The following PTPRQ variants were observed in gnomAD, a reference collection of about 807,000 sequenced individuals.
The protein encoded by PTPRQ is phosphatidylinositol phosphatase PTPRQ.
Under a neutral mutation model 246.0 loss-of-function variants are expected in PTPRQ, and 199 were observed. The observed-to-expected ratio is 0.81, with a 90% confidence interval of 0.72 to 0.91. The LOEUF (loss-of-function observed/expected upper bound fraction) is 0.91. Among genes scored for constraint, PTPRQ ranks in the 40% least tolerant of loss-of-function variants. The pLI, the probability that PTPRQ is intolerant of heterozygous loss-of-function variation, is 0.00. For missense variants in PTPRQ, 2,624 were observed against 2,528.4 expected (o/e 1.04, Z -0.81); for synonymous variants, 869 against 853.2 (o/e 1.02, Z -0.32).
At chr12:80,634,886 C>T (rs974955312) in intron 34 of PTPRQ, 59 bp from the exon 35 acceptor site, 2 of 1,510,626 alleles carry the variant, frequency 1.3e-6, no homozygotes, top group South Asian at 1.3e-5. Flanking sequence ...GAAAACTAAA[C>T]CTAATTTTAT....
At chr12:80,457,969 GT>G (rs1893031137) in intron 4 of PTPRQ, among the ~76,000 whole-genome samples, 1 of 151,716 alleles carries the variant, frequency 6.6e-6, no homozygotes, top group Non-Finnish European at 1.5e-5. Flanking sequence ...CCATTAATAT[GT>G]ATCTATATGA....
intron 35 of PTPRQ, among the ~76,000 whole-genome samples, chr12:80,637,296 A>G (rs974618971): frequency 5.3e-4 from 81 of 152,248 alleles, no homozygotes; most frequent in Non-Finnish European, 4.0e-4. Context: ...ACTATTGGTT[A>G]TTTATAATTC....
rs193036376 is a variant in PTPRQ at position 80,466,364 on chromosome 12, A to G, written c.911-2346A>G. 6.9e-3 allele frequency among the ~76,000 whole-genome samples: 1,055 copies of G among 152,298 alleles called. 14 individuals are homozygous for G. The highest frequency in any genetic ancestry group is 0.024 in the African/African-American group (1,018 of 41,570). ...GCTCAATGAAATAAAAGAGGATACA[A>G]ACAAATGAAAGAACATTCCATGCTC... is the stretch of plus-strand genomic sequence containing the variant. On this transcript the variant is annotated intron_variant, in intron 6 of 44. Coordinates refer to ENST00000644991, the MANE Select transcript of PTPRQ (RefSeq NM_001145026.2).
Position 80,445,584 on chromosome 12 carries a change from T to G in PTPRQ, c.257T>G (p.Ile86Ser), listed in dbSNP as rs961472539. 2 of 1,548,778 alleles carry G rather than the reference T, an allele frequency of 1.3e-6. No individual in the cohort carries two copies. Among genetic ancestry groups the G allele is most frequent in the Non-Finnish European group, 1.7e-6 (2 of 1,144,704 alleles). The change falls in exon 3 of 45, where the codon ATT becomes AGT. Residue 86 changes from isoleucine to serine, a missense_variant. Ile to Ser is a moderately radical substitution (Grantham distance 142). Transcript: ENST00000644991. ...ACACCACCTAATCCAAATGGAAGGA[T>G]TATATCTTACATTGTCAAATATAAG... ...WNTPPNPNGR[I>S]ISYIVKYKEV...
chr12:80,653,398 A>G (rs983492519), intron 38 of PTPRQ, among the ~76,000 whole-genome samples: 1 of 152,206 alleles, frequency 6.6e-6, no homozygotes. Flanking sequence ...GTGATGTGAA[A>G]GGAAAATAGG....
intron 25 of PTPRQ, among the ~76,000 whole-genome samples, chr12:80,571,731 T>C (rs555533263): frequency 2.0e-5 from 3 of 152,246 alleles, no homozygotes; most frequent in African/African-American, 7.2e-5. Flanking sequence ...TTTTTTTTTG[T>C]ACATTTATCA....
intron 3 of PTPRQ, among the ~76,000 whole-genome samples, chr12:80,452,997 G>A (rs1032805178): frequency 6.6e-6 from 1 of 152,132 alleles, no homozygotes; most frequent in Non-Finnish European, 1.5e-5. Flanking sequence ...TCACTTTCAG[G>A]TATACCAATC....
At chr12:80,634,638 T>A (rs566592349) in intron 34 of PTPRQ, 48 of 245,894 alleles carry the variant, frequency 2.0e-4, no homozygotes, top group Middle Eastern at 2.8e-3. Flanking sequence ...AGAAACAAGA[T>A]CACAACGTAA....
At chr12:80,663,306 T>C (rs997411020) in intron 39 of PTPRQ, among the ~76,000 whole-genome samples, 3 of 152,074 alleles carry the variant, frequency 2.0e-5, no homozygotes, top group Non-Finnish European at 2.9e-5. Context: ...ATATTTAGTA[T>C]ACAATATGTG....
At position 80,484,494 on chromosome 12, in the gene PTPRQ, T is replaced by C. The variant is rs773429164; in HGVS notation, c.1248T>C (p.Thr416=). 19 of 1,551,368 alleles carry C rather than the reference T, an allele frequency of 1.2e-5. No homozygotes were observed. The highest frequency in any genetic ancestry group is 1.3e-5 in the Non-Finnish European group (15 of 1,146,876). ...TAGAATCCACGCAAGTAAGAATTACTTGGAAGAAACCACGACAACCAAATG... is the reference window on the plus strand; with the variant it reads ...TAGAATCCACGCAAGTAAGAATTACCTGGAAGAAACCACGACAACCAAATG... ...AEVESTQVRI[T]WKKPRQPNGI... The change falls in exon 9 of 45, where the codon ACT becomes ACC. Residue 416 remains threonine, a synonymous_variant. Transcript: ENST00000644991.
At chr12:80,673,051 C>T (rs1333428369) in intron 42 of PTPRQ, 118 bp from the exon 43 acceptor site, 37 of 1,383,528 alleles carry the variant, frequency 2.7e-5, no homozygotes, top group Non-Finnish European at 3.4e-5. Context: ...GAAAATCTGC[C>T]TCCAAATAAG....
chr12:80,507,992 T>C (rs914354979), intron 16 of PTPRQ, among the ~76,000 whole-genome samples: 1 of 151,998 alleles, frequency 6.6e-6, no homozygotes, highest in East Asian at 1.9e-4. Context: ...ATGGTAAGAA[T>C]TTGAGATCTT....
chr12:80,503,129 C>G (rs934692203), intron 14 of PTPRQ, among the ~76,000 whole-genome samples: 1 of 151,782 alleles, frequency 6.6e-6, no homozygotes, highest in African/African-American at 2.4e-5. Context: ...TACACCCTAT[C>G]GTTAGTGAGA....
At chr12:80,476,708 T>C (rs915728151) in intron 8 of PTPRQ, among the ~76,000 whole-genome samples, 3 of 152,210 alleles carry the variant, frequency 2.0e-5, no homozygotes, top group African/African-American at 7.2e-5. Flanking sequence ...CTTTTAAGAC[T>C]ATATGCCTGT....
Position 80,670,354 on chromosome 12 carries a change from G to A in PTPRQ, c.6464G>A (p.Cys2155Tyr). Residue 2155 changes from cysteine to tyrosine, a missense_variant, in exon 42 of 45, where the codon TGC (cysteine) becomes TAC (tyrosine). Transcript: ENST00000644991. ...CGTCCCTTTGTCTAGCATGGGGATT[G>A]CATGACTGTTCGACAGTGTAACTTT... Reference protein sequence around the residue: ...RDLKIERHGDCMTVRQCNFTA... With the variant: ...RDLKIERHGDYMTVRQCNFTA... 1 of 1,550,654 alleles carries A rather than the reference G, an allele frequency of 6.4e-7. No homozygotes were observed. The highest frequency in any genetic ancestry group is 1.2e-5 in the South Asian group (1 of 83,984).
At chr12:80,540,046 T>C in intron 20 of PTPRQ, 102 bp downstream of exon 20, 2 of 1,012,482 alleles carry the variant, frequency 2.0e-6, no homozygotes, top group Non-Finnish European at 2.7e-6. Flanking sequence ...ATCTTTTATT[T>C]AGACACGTTC....
rs577588861 is a variant in PTPRQ, at chr12:80,677,549, A to T, written c.6739-1053A>T. Among the ~76,000 whole-genome samples, 8 of 152,344 alleles carry T rather than the reference A, an allele frequency of 5.3e-5. No homozygotes were observed. The South Asian group carries it at 1.7e-3, about 32-fold the overall frequency. ...ATTATACAACTACTATGTGCCCGGC[A>T]CTATTATAGGTAATCAGAATATAGC... is the stretch of plus-strand genomic sequence containing the variant. On this transcript the variant is annotated intron_variant, in intron 43 of 44. Transcript: ENST00000644991.
intron 38 of PTPRQ, among the ~76,000 whole-genome samples, chr12:80,653,584 A>G (rs1402132120): frequency 6.6e-6 from 1 of 152,198 alleles, no homozygotes; most frequent in Non-Finnish European, 1.5e-5. Flanking sequence ...TAAAGATAAT[A>G]TACATCTGTG....
chr12:80,629,346 G>A (rs957291180), intron 33 of PTPRQ, among the ~76,000 whole-genome samples: 2 of 151,996 alleles, frequency 1.3e-5, no homozygotes, highest in South Asian at 4.2e-4. Flanking sequence ...TATTAATTTG[G>A]GGGAAACACA....
Sources: gnomAD v4.1 joint callset for allele counts (sites outside exome capture counted in the v4.1 genomes callset) on GRCh38, gnomAD v4.1.1 for gene constraint, MANE v1.5 for transcripts, NCBI Gene and HGNC (gene_info 2026-07-23, HGNC 2026-07-21) for gene names.